The following SEPTIN3 variants were observed in gnomAD, a reference collection of about 807,000 sequenced individuals.
SEPTIN3 encodes septin 3, also known as neuronal-specific septin-3.
SEPTIN3 carries 15 observed loss-of-function variants against 45.1 expected under a neutral mutation model. That is an observed-to-expected ratio of 0.33 (90% confidence interval 0.22 to 0.51). The LOEUF (loss-of-function observed/expected upper bound fraction) is 0.51, where lower values mean the gene tolerates loss of function less well. Ranked by LOEUF, SEPTIN3 falls within the 20% of genes least tolerant of loss-of-function variation. SEPTIN3 has a pLI of 0.97. For missense variants in SEPTIN3, 289 were observed against 457.2 expected (o/e 0.63, Z 3.35); for synonymous variants, 148 against 164.8 (o/e 0.90, Z 0.78).
At chr22:41,985,279 C>A (rs1485624065) in intron 3 of SEPTIN3, among the ~76,000 whole-genome samples, 1 of 152,260 alleles carries the variant, frequency 6.6e-6, no homozygotes, top group African/African-American at 2.4e-5. Context: ...GATGCAGGGG[C>A]CCTGCCTGCC....
chr22:41,995,134 C>T, intron 11 of SEPTIN3: 2 of 1,077,274 alleles, frequency 1.9e-6, no homozygotes, highest in Non-Finnish European at 2.3e-6. Context: ...GAGCCACAGG[C>T]AACTCTTCTC....
intron 6 of SEPTIN3, 97 bp downstream of exon 6, chr22:41,987,856 C>T (rs1227721229): frequency 2.0e-5 from 26 of 1,324,802 alleles, no homozygotes; most frequent in Non-Finnish European, 2.6e-5. Flanking sequence ...TCAGCTAGGC[C>T]TCCCTAGCTG....
At chr22:41,977,031 A>G in intron 2 of SEPTIN3, 2 of 1,591,298 alleles carry the variant, frequency 1.3e-6, no homozygotes, top group Non-Finnish European at 1.7e-6. Flanking sequence ...CGCCCGGAGC[A>G]TCTCCCTGGA....
intron 3 of SEPTIN3, among the ~76,000 whole-genome samples, chr22:41,983,005 C>A (rs1233828985): frequency 6.6e-6 from 1 of 152,184 alleles, no homozygotes; most frequent in Non-Finnish European, 1.5e-5. Flanking sequence ...CCTCTTCCTC[C>A]TTCATCCCCC....
Position 41,986,067 on chromosome 22 carries a change from G to A in SEPTIN3, c.1780G>A (p.Glu594Lys). The A allele has an allele frequency of 6.2e-7, 1 of 1,613,864 alleles. No homozygotes were observed. Among genetic ancestry groups the A allele is most frequent in the Non-Finnish European group, 8.5e-7 (1 of 1,179,872 alleles). ...CCGCAAGGCCTCCAGCTGGAACCGG[G>A]AGGAGAAGATCCCCAAGACAGTGGA... ...VSRKASSWNR[E>K]EKIPKTVEIK... The change falls in exon 4 of 12, where the codon GAG becomes AAG. Residue 594 changes from glutamate (E) to lysine (K), a missense_variant. Coordinates refer to ENST00000644076, the MANE Select transcript of SEPTIN3 (RefSeq NM_001363845.2).
intron 8 of SEPTIN3, among the ~76,000 whole-genome samples, 167 bp downstream of exon 8, chr22:41,991,835 G>C (rs1262821903): frequency 6.6e-6 from 1 of 152,012 alleles, no homozygotes; most frequent in Non-Finnish European, 1.5e-5. Flanking sequence ...GCCCTGGACT[G>C]TGAACCCACA....
At chr22:41,984,447 T>C (rs1027769416) in intron 3 of SEPTIN3, among the ~76,000 whole-genome samples, 1 of 152,208 alleles carries the variant, frequency 6.6e-6, no homozygotes, top group Non-Finnish European at 1.5e-5. Context: ...CCTACTAGTG[T>C]CCGGGCAATG....
At chr22:41,981,953 G>T in intron 3 of SEPTIN3, 117 bp downstream of exon 3, 1 of 931,680 alleles carries the variant, frequency 1.1e-6, no homozygotes, top group Non-Finnish European at 1.6e-6. Flanking sequence ...TTGTAGAAGG[G>T]AGAATTTCAC....
At chr22:41,981,928 T>A in intron 3 of SEPTIN3, 92 bp downstream of exon 3, 1 of 1,138,584 alleles carries the variant, frequency 8.8e-7, no homozygotes, top group South Asian at 1.4e-5. Context: ...CCCTGGCTCT[T>A]CTAAGATGAG....
At chr22:41,973,039 A>AG in intron 2 of SEPTIN3, 43 bp downstream of exon 2, 1 of 398,488 alleles carries the variant, frequency 2.5e-6, no homozygotes, top group Middle Eastern at 6.3e-4. Context: ...GGCTGCCGGG[A>AG]GGGGGAGGTG....
chr22:41,991,451 G>T, intron 7 of SEPTIN3, 122 bp from the exon 8 acceptor site: 1 of 729,132 alleles, frequency 1.4e-6, no homozygotes, highest in South Asian at 1.6e-5. Context: ...GTTCAGAGAT[G>T]ACTGTGGATT....
intron 3 of SEPTIN3, among the ~76,000 whole-genome samples, chr22:41,984,847 T>G (rs1456143812): frequency 1.8e-5 from 1 of 55,340 alleles, no homozygotes; most frequent in African/African-American, 7.9e-5. Context: ...GGTTTTCCCT[T>G]TTTTTTTTTT....
At chr22:41,993,472 G>T (rs376868398) in intron 9 of SEPTIN3, among the ~76,000 whole-genome samples, 1 of 151,902 alleles carries the variant, frequency 6.6e-6, no homozygotes, top group South Asian at 2.1e-4. Context: ...CTACAGGTGC[G>T]GACCCCGATT....
chr22:41,995,546 T>C (rs1282259946), intron 11 of SEPTIN3: 1 of 985,238 alleles, frequency 1.0e-6, no homozygotes, highest in African/African-American at 1.8e-5. Flanking sequence ...CTCCCTCTCC[T>C]GCGTGTCTCT....
rs2078232663 is a variant in SEPTIN3 at position 41,987,700 on chromosome 22, A to G, written c.1986A>G (p.Lys662=). 4 of 1,613,918 alleles carry G rather than the reference A, an allele frequency of 2.5e-6. No individual in the cohort carries two copies. In the Admixed American group the frequency reaches 6.7e-5, roughly 27 times the overall value. ...AGGAGGTCAACATCGCCAGGAAGAAACGCATCCCTGACACTCGTGTCCACT... is the reference window on the plus strand; with the variant it reads ...AGGAGGTCAACATCGCCAGGAAGAAGCGCATCCCTGACACTCGTGTCCACT... ...LKEEVNIARK[K]RIPDTRVHCC... Residue 662 remains lysine, a synonymous_variant, in exon 6 of 12, where the codon AAA becomes AAG. Transcript: ENST00000644076.
intron 11 of SEPTIN3, 80 bp from the exon 12 acceptor site, chr22:41,996,822 C>G (rs1247360867): frequency 1.8e-5 from 28 of 1,588,424 alleles, no homozygotes; most frequent in Non-Finnish European, 2.3e-5. Flanking sequence ...ATGATCTGAG[C>G]CTCCCTGGAG....
At position 41,991,576 on chromosome 22, in the gene SEPTIN3, C is replaced by T. The variant is rs767061908; in HGVS notation, c.2167C>T (p.Arg723Cys). The T allele has an allele frequency of 3.7e-6, 6 of 1,610,054 alleles. No homozygotes were observed. Among genetic ancestry groups the T allele is most frequent in the South Asian group, 1.1e-5 (1 of 91,000 alleles). The change falls in exon 8 of 12, where the codon CGC becomes TGC. Residue 723 changes from arginine (R) to cysteine (C), a missense_variant. By Grantham distance (180) the Arg-to-Cys change is radical. Coordinates refer to ENST00000644076, the MANE Select transcript of SEPTIN3 (RefSeq NM_001363845.2). ...EEKSEFKQRV[R>C]KELEVNGIEF... ...TGTTTCTTCTCCTCGCCTCTAGGTT[C>T]GCAAGGAGCTTGAAGTAAATGGCAT...
At chr22:41,989,307 G>A (rs192891455) in intron 6 of SEPTIN3, among the ~76,000 whole-genome samples, 92 of 152,252 alleles carry the variant, frequency 6.0e-4, no homozygotes, top group Non-Finnish European at 6.9e-4. Context: ...CAGAAAAGAT[G>A]TCCTGAAGTG....
Position 41,991,554 on chromosome 22 carries a change from T to C in SEPTIN3, c.2164-19T>C. On this transcript the variant is annotated intron_variant, in intron 7 of 11. Coordinates refer to ENST00000644076, the MANE Select transcript of SEPTIN3 (RefSeq NM_001363845.2). Reference sequence around the variant, plus strand: ...TTACCCTGACACTTGACTACCTTGTTTCTTCTCCTCGCCTCTAGGTTCGCA... The same window carrying C: ...TTACCCTGACACTTGACTACCTTGTCTCTTCTCCTCGCCTCTAGGTTCGCA... 6.3e-7 allele frequency: 1 copy of C among 1,580,050 alleles called. No individual in the cohort carries two copies. The highest frequency in any genetic ancestry group is 8.7e-7 in the Non-Finnish European group (1 of 1,148,976).
Sources: allele counts gnomAD v4.1 joint callset (sites outside exome capture counted in the v4.1 genomes callset), GRCh38; gene constraint gnomAD v4.1.1; transcripts MANE v1.5; gene names NCBI Gene and HGNC (gene_info 2026-07-23, HGNC 2026-07-21).